IGBP1: variants seen among roughly 807,000 people sequenced by gnomAD.
IGBP1 encodes immunoglobulin-binding protein 1.
In IGBP1, 2 loss-of-function variants were observed where a neutral mutation model predicts 25.9. That is an observed-to-expected ratio of 0.08 (90% confidence interval 0.03 to 0.24). The LOEUF (loss-of-function observed/expected upper bound fraction) is 0.24. IGBP1 is among the 10% of genes least tolerant of loss of function. IGBP1 has a pLI of 1.00. For missense variants in IGBP1, 187 were observed against 260.4 expected (o/e 0.72, Z 1.94); for synonymous variants, 96 against 93.4 (o/e 1.03, Z -0.16).
intron 6 of IGBP1, among the ~76,000 whole-genome samples, chrX:70,154,714 C>CAAA (rs762954223): frequency 0.017 from 469 of 27,091 alleles, 44 homozygotes; most frequent in African/African-American, 0.072. Flanking sequence ...CCCCTCTCCA[C>CAAA]AAAAAAAAAA....
chrX:70,159,615 A>G (rs181222757), intron 6 of IGBP1, among the ~76,000 whole-genome samples: 21 of 111,252 alleles, frequency 1.9e-4, no homozygotes, highest in African/African-American at 6.2e-4. Context: ...GGCAAGGACT[A>G]TGACTCTGAG....
At chrX:70,163,435 G>A (rs2085281150) in intron 6 of IGBP1, among the ~76,000 whole-genome samples, 1 of 111,390 alleles carries the variant, frequency 9.0e-6, no homozygotes, top group African/African-American at 3.3e-5. Flanking sequence ...TTGAGAAATG[G>A]TAAATAAAGG....
At chrX:70,146,601 A>G in intron 3 of IGBP1, 32 bp from the exon 4 acceptor site, 1 of 1,153,723 alleles carries the variant, frequency 8.7e-7, no homozygotes. Context: ...CTTCATTTGT[A>G]AGTTCATGGG....
At chrX:70,139,255 A>G (rs2085115308) in intron 3 of IGBP1, among the ~76,000 whole-genome samples, 1 of 106,872 alleles carries the variant, frequency 9.4e-6, no homozygotes, top group Non-Finnish European at 1.9e-5. Flanking sequence ...GGTTGCAGTG[A>G]GCCGAGATCG....
At chrX:70,142,925 T>G (rs1176430914) in intron 3 of IGBP1, among the ~76,000 whole-genome samples, 11 of 97,788 alleles carry the variant, frequency 1.1e-4, no homozygotes, top group East Asian at 3.3e-4. Flanking sequence ...TGTTTTTTTT[T>G]TTTTTTTTTT....
chrX:70,158,841 T>C (rs1003756389), intron 6 of IGBP1, among the ~76,000 whole-genome samples: 8 of 111,174 alleles, frequency 7.2e-5, no homozygotes, highest in Non-Finnish European at 1.1e-4. Context: ...AGACTTTGTC[T>C]CAAAAAATAA....
intron 6 of IGBP1, among the ~76,000 whole-genome samples, chrX:70,162,496 C>T (rs780443425): frequency 9.0e-6 from 1 of 111,633 alleles, no homozygotes; most frequent in South Asian, 3.8e-4. Flanking sequence ...GTAATGTATG[C>T]ACTTTAGTTG....
chrX:70,142,487 G>T (rs929765332), intron 3 of IGBP1, among the ~76,000 whole-genome samples: 1 of 110,863 alleles, frequency 9.0e-6, no homozygotes, highest in Non-Finnish European at 1.9e-5. Context: ...AAGAATGTGT[G>T]GGGGGTACTA....
rs752057946 is a variant in IGBP1 at position 70,133,943 on chromosome X, C to T, written c.-5C>T. On this transcript the variant is annotated 5_prime_UTR_variant, in exon 2 of 7. Transcript: ENST00000356413. ...AGAGATCTTCCGGGTTCCTCTCTCC[C>T]CAAGATGGCTGCTGAGGACGAGTTA... 174 of 1,208,390 alleles carry T rather than the reference C, an allele frequency of 1.4e-4. 1 individual carries two copies. The Admixed American group carries it at 2.1e-3, about 15-fold the overall frequency.
At chrX:70,139,869 C>T (rs1340163207) in intron 3 of IGBP1, among the ~76,000 whole-genome samples, 1 of 111,938 alleles carries the variant, frequency 8.9e-6, no homozygotes, top group African/African-American at 3.2e-5. Flanking sequence ...TCTTTTCAGT[C>T]TCACCATGTA....
chrX:70,165,988 CACA>C lies in IGBP1; in HGVS notation c.*11_*13del. 7.4e-6 allele frequency: 9 copies of C among 1,210,328 alleles called. No individual in the cohort carries two copies. The highest frequency in any genetic ancestry group is 1.0e-5 in the Non-Finnish European group (9 of 894,459). Reference sequence around the variant, plus strand: ...CCGACAGAACATGGGCTGATCTTCCCACAACACCACAGGACTGCAGGGTGCACA... The same window carrying C: ...CCGACAGAACATGGGCTGATCTTCCCACACCACAGGACTGCAGGGTGCACA... On this transcript the variant is annotated 3_prime_UTR_variant, in exon 7 of 7. Transcript: ENST00000356413.
rs138107249 is a variant in IGBP1, at chrX:70,141,466, C to T, written c.483-5167C>T. Reference sequence around the variant, plus strand: ...TTATCTTCCCTCCCAGATACCATGGCATTTAGTTCATGTTACTTATCACAG... The same window carrying T: ...TTATCTTCCCTCCCAGATACCATGGTATTTAGTTCATGTTACTTATCACAG... On this transcript the variant is annotated intron_variant, in intron 3 of 6. Coordinates refer to ENST00000356413, the MANE Select transcript of IGBP1 (RefSeq NM_001551.3). Among the ~76,000 whole-genome samples the T allele has an allele frequency of 3.0e-4, 34 of 111,938 alleles. No homozygotes were observed. In the East Asian group the frequency reaches 9.5e-3, roughly 31 times the overall value.
intron 2 of IGBP1, 91 bp from the exon 3 acceptor site, chrX:70,134,432 C>G: frequency 1.0e-6 from 1 of 981,518 alleles, no homozygotes; most frequent in Non-Finnish European, 1.4e-6. Flanking sequence ...TGGTCCACTC[C>G]CAGCCCAGCC....
In IGBP1 at chrX:70,133,942, C is replaced by T. The variant is rs779361103; in HGVS notation, c.-6C>T. The T allele has an allele frequency of 1.7e-6, 2 of 1,209,781 alleles. No individual in the cohort carries two copies. The highest frequency in any genetic ancestry group is 2.2e-5 in the Admixed American group (1 of 45,973). On this transcript the variant is annotated 5_prime_UTR_variant, in exon 2 of 7. Coordinates refer to ENST00000356413, the MANE Select transcript of IGBP1 (RefSeq NM_001551.3). ...AAGAGATCTTCCGGGTTCCTCTCTC[C>T]CCAAGATGGCTGCTGAGGACGAGTT...
At chrX:70,144,557 C>T (rs760348472) in intron 3 of IGBP1, among the ~76,000 whole-genome samples, 3 of 107,673 alleles carry the variant, frequency 2.8e-5, no homozygotes, top group South Asian at 4.1e-4. Flanking sequence ...GTCAGTTATT[C>T]GTAACATTAT....
At chrX:70,145,003 A>G (rs1292384621) in intron 3 of IGBP1, among the ~76,000 whole-genome samples, 1 of 107,622 alleles carries the variant, frequency 9.3e-6, no homozygotes, top group Non-Finnish European at 1.9e-5. Flanking sequence ...CCCTTTGACA[A>G]TTTGATAAAA....
intron 1 of IGBP1, 29 bp from the exon 2 acceptor site, chrX:70,133,694 G>C (rs752429101): frequency 4.6e-6 from 2 of 436,323 alleles, no homozygotes; most frequent in Admixed American, 4.1e-5. Context: ...CAGCGCCTAG[G>C]GTTTTGCTTG....
At chrX:70,148,487 A>G in intron 4 of IGBP1, 1 of 324,024 alleles carries the variant, frequency 3.1e-6, no homozygotes, top group South Asian at 3.8e-5. Context: ...TTCTTTGGAC[A>G]GGGTATTTTA....
chrX:70,159,735 G>A (rs1024728125), intron 6 of IGBP1, among the ~76,000 whole-genome samples: 2 of 111,146 alleles, frequency 1.8e-5, no homozygotes, highest in African/African-American at 6.5e-5. Context: ...TGTTCCAGAC[G>A]CTCAGACCCC....
Sources: gnomAD v4.1 joint callset for allele counts (sites outside exome capture counted in the v4.1 genomes callset) on GRCh38, gnomAD v4.1.1 for gene constraint, MANE v1.5 for transcripts, NCBI Gene and HGNC (gene_info 2026-07-23, HGNC 2026-07-21) for gene names.